The following CSMD1 variants were observed in gnomAD, a reference collection of about 807,000 sequenced individuals.
The protein encoded by CSMD1 is CUB and Sushi multiple domains 1.
CSMD1 carries 213 observed loss-of-function variants against 417.5 expected under a neutral mutation model. That is an observed-to-expected ratio of 0.51 (90% CI 0.46 to 0.57). CSMD1 has a LOEUF of 0.57. CSMD1 is among the 20% of genes least tolerant of loss of function. The pLI, the probability that CSMD1 is intolerant of heterozygous loss-of-function variation, is 0.00. For missense variants in CSMD1, 6,923 were observed against 4,529.7 expected (o/e 1.53, Z -15.17); for synonymous variants, 2,862 against 1,736.8 (o/e 1.65, Z -16.11).
chr8:4,051,247 C>T (rs1435567320), intron 3 of CSMD1, among the ~76,000 whole-genome samples: 1 of 151,116 alleles, frequency 6.6e-6, no homozygotes, highest in Non-Finnish European at 1.5e-5. Context: ...TGCCAAGCTT[C>T]CTGGATTTCT....
chr8:4,039,647 C>T (rs1258943126), intron 3 of CSMD1, among the ~76,000 whole-genome samples: 2 of 152,082 alleles, frequency 1.3e-5, no homozygotes, highest in South Asian at 2.1e-4. Flanking sequence ...CCTCATGGGA[C>T]GTAATCAGAA....
Position 2,936,318 on chromosome 8 carries a change from C to A in CSMD1, c.*2267G>T, listed in dbSNP as rs1354244069. The A allele has an allele frequency of 6.6e-6, 1 of 151,720 alleles. No individual in the cohort carries two copies. The highest frequency in any genetic ancestry group is 2.4e-5 in the African/African-American group (1 of 41,274). The allele number at this position is 151,720 out of a possible 1,614,324, so 9.4% of individuals were successfully genotyped here. A position where few individuals can be genotyped will look rare whatever the true frequency, so the allele number is the denominator to read the frequency against. On this transcript the variant is annotated 3_prime_UTR_variant, in exon 70 of 70. Transcript: ENST00000635120. ...GGGAACAGAGATGTTAATTCAGACTCTGAAGTCAGCATTTTGCACCTAGTT... is the reference window on the plus strand; with the variant it reads ...GGGAACAGAGATGTTAATTCAGACTATGAAGTCAGCATTTTGCACCTAGTT...
At chr8:4,353,273 G>C (rs551916284) in intron 3 of CSMD1, among the ~76,000 whole-genome samples, 2 of 152,028 alleles carry the variant, frequency 1.3e-5, no homozygotes, top group African/African-American at 4.8e-5. Context: ...CAGGAGATCT[G>C]ATGGTTTTAT....
intron 3 of CSMD1, among the ~76,000 whole-genome samples, chr8:4,278,266 A>C (rs1006993243): frequency 4.6e-5 from 7 of 152,164 alleles, no homozygotes; most frequent in African/African-American, 1.7e-4. Context: ...TTTAATTTTC[A>C]ATGGATGGAG....
At chr8:4,979,830 G>A (rs899837403) in intron 1 of CSMD1, among the ~76,000 whole-genome samples, 5 of 152,140 alleles carry the variant, frequency 3.3e-5, no homozygotes, top group African/African-American at 4.8e-5. Context: ...TAGGTCAGCA[G>A]ATCTAGATCA....
intron 1 of CSMD1, among the ~76,000 whole-genome samples, chr8:4,977,728 G>C (rs1448851327): frequency 6.6e-6 from 1 of 152,200 alleles, no homozygotes; most frequent in African/African-American, 2.4e-5. Flanking sequence ...AAGTCACTAA[G>C]CTACAAATTA....
Position 4,220,116 on chromosome 8 carries a change from A to T in CSMD1, c.416-188017T>A, listed in dbSNP as rs537365589. ...AGGCACGTGCCACCATGCCCAGCTGATTTTTTGTATTTTCAGTAGAGACAG... is the reference window on the plus strand; with the variant it reads ...AGGCACGTGCCACCATGCCCAGCTGTTTTTTTGTATTTTCAGTAGAGACAG... On this transcript the variant is annotated intron_variant, in intron 3 of 69. Coordinates refer to ENST00000635120, the MANE Select transcript of CSMD1 (RefSeq NM_033225.6). Among the ~76,000 whole-genome samples the T allele has an allele frequency of 4.0e-5, 6 of 151,826 alleles. No individual in the cohort carries two copies. In the East Asian group the frequency reaches 1.2e-3, roughly 29 times the overall value.
intron 1 of CSMD1, among the ~76,000 whole-genome samples, chr8:4,872,164 A>C (rs1187913379): frequency 1.3e-5 from 2 of 152,108 alleles, no homozygotes; most frequent in African/African-American, 4.8e-5. Flanking sequence ...ATGAATGCAA[A>C]CTAAGGCACT....
intron 2 of CSMD1, among the ~76,000 whole-genome samples, chr8:4,601,198 C>A (rs1800560046): frequency 6.6e-6 from 1 of 152,104 alleles, no homozygotes. Flanking sequence ...CAGATGATCC[C>A]CCACACTTTG....
intron 5 of CSMD1, among the ~76,000 whole-genome samples, chr8:3,957,799 G>C (rs978539284): frequency 2.0e-5 from 3 of 152,136 alleles, no homozygotes; most frequent in Non-Finnish European, 4.4e-5. Flanking sequence ...AATGTTGTTA[G>C]TTTCATAAAG....
At chr8:4,219,488 G>T (rs185789065) in intron 3 of CSMD1, among the ~76,000 whole-genome samples, 1 of 151,942 alleles carries the variant, frequency 6.6e-6, no homozygotes, top group Non-Finnish European at 1.5e-5. Flanking sequence ...ATTTCCTTCC[G>T]TCTCTTGGGT....
intron 3 of CSMD1, among the ~76,000 whole-genome samples, chr8:4,043,954 G>C (rs908931985): frequency 3.3e-5 from 5 of 152,026 alleles, no homozygotes; most frequent in Non-Finnish European, 7.4e-5. Flanking sequence ...TGTCCCAATT[G>C]TGTTGATATA....
At chr8:4,816,044 G>A (rs746274050) in intron 1 of CSMD1, among the ~76,000 whole-genome samples, 2 of 152,260 alleles carry the variant, frequency 1.3e-5, no homozygotes, top group Non-Finnish European at 2.9e-5. Flanking sequence ...GGCTTACCAG[G>A]TGCACAGATA....
chr8:4,452,194 T>C (rs1391584911), intron 2 of CSMD1, among the ~76,000 whole-genome samples: 1 of 152,128 alleles, frequency 6.6e-6, no homozygotes, highest in African/African-American at 2.4e-5. Context: ...TAGTGCACGT[T>C]TCTGCTTTTT....
chr8:4,508,483 G>C (rs1802649489), intron 2 of CSMD1, among the ~76,000 whole-genome samples: 1 of 152,086 alleles, frequency 6.6e-6, no homozygotes, highest in Non-Finnish European at 1.5e-5. Flanking sequence ...ATTTAATTTA[G>C]TAGTATTTTC....
intron 3 of CSMD1, among the ~76,000 whole-genome samples, chr8:4,125,490 C>T (rs1343682130): frequency 3.9e-5 from 6 of 152,210 alleles, no homozygotes; most frequent in Non-Finnish European, 8.8e-5. Context: ...GCCCCGGCCG[C>T]ACTGGGTACA....
intron 3 of CSMD1, among the ~76,000 whole-genome samples, chr8:4,378,123 G>A (rs759730363): frequency 1.1e-4 from 16 of 152,278 alleles, no homozygotes; most frequent in Non-Finnish European, 2.2e-4. Flanking sequence ...TTTACGGGTG[G>A]CATGGAGTGT....
intron 2 of CSMD1, among the ~76,000 whole-genome samples, chr8:4,467,095 C>T (rs1800218912): frequency 7.5e-6 from 1 of 133,112 alleles, no homozygotes; most frequent in Admixed American, 8.2e-5. Flanking sequence ...CAAATTTCAA[C>T]TTAGTCTTGC....
At chr8:4,474,239 G>A (rs1024833077) in intron 2 of CSMD1, among the ~76,000 whole-genome samples, 2 of 152,024 alleles carry the variant, frequency 1.3e-5, no homozygotes, top group African/African-American at 2.4e-5. Flanking sequence ...GGTATAACAC[G>A]AGACATAAAT....
Sources: allele counts gnomAD v4.1 joint callset (sites outside exome capture counted in the v4.1 genomes callset), GRCh38; gene constraint gnomAD v4.1.1; transcripts MANE v1.5; gene names NCBI Gene and HGNC (gene_info 2026-07-23, HGNC 2026-07-21).